The following PDE10A variants were observed in gnomAD, a reference collection of about 807,000 sequenced individuals.
PDE10A encodes the protein phosphodiesterase 10A.
Under a neutral mutation model 97.7 loss-of-function variants are expected in PDE10A, and 39 were observed. The observed-to-expected ratio is 0.40, with a 90% confidence interval of 0.31 to 0.52. The LOEUF (loss-of-function observed/expected upper bound fraction) is 0.52. Among genes scored for constraint, PDE10A ranks in the 20% least tolerant of loss-of-function variants. PDE10A has a pLI of 0.56. For missense variants in PDE10A, 731 were observed against 1,047.8 expected, an observed-to-expected ratio of 0.70 and a Z score of 4.17; for synonymous variants, 371 against 376.8, an observed-to-expected ratio of 0.98 and a Z score of 0.18.
intron 3 of PDE10A, among the ~76,000 whole-genome samples, chr6:165,470,701 G>A (rs542506957): frequency 3.3e-5 from 5 of 152,274 alleles, no homozygotes; most frequent in African/African-American, 1.2e-4. Flanking sequence ...GAAATGGAAA[G>A]TGAGTAAATG....
intron 1 of PDE10A, among the ~76,000 whole-genome samples, chr6:165,796,112 T>TC (rs1473877312): frequency 1.8e-4 from 26 of 147,320 alleles, no homozygotes; most frequent in African/African-American, 6.4e-4. Flanking sequence ...TTTTTTTTTT[T>TC]TGAGACGGAG....
At chr6:165,494,544 AT>A (rs1233669781) in intron 2 of PDE10A, among the ~76,000 whole-genome samples, 1 of 148,274 alleles carries the variant, frequency 6.7e-6, no homozygotes, top group Non-Finnish European at 1.5e-5. Context: ...ATATTTATTT[AT>A]TTATTTAATA....
At chr6:165,984,169 A>G (rs1230361051) in intron 1 of PDE10A, among the ~76,000 whole-genome samples, 1 of 152,246 alleles carries the variant, frequency 6.6e-6, no homozygotes, top group Non-Finnish European at 1.5e-5. Context: ...TATGCTAAAA[A>G]AAACTGTACA....
chr6:165,808,461 A>AG (rs951946735), intron 1 of PDE10A, among the ~76,000 whole-genome samples: 7 of 152,162 alleles, frequency 4.6e-5, no homozygotes, highest in African/African-American at 1.7e-4. Flanking sequence ...TTCTGCCCTA[A>AG]CTGGGCAGCT....
chr6:165,484,898 GCCAAC>G (rs1779812886), intron 2 of PDE10A, among the ~76,000 whole-genome samples: 1 of 152,118 alleles, frequency 6.6e-6, no homozygotes, highest in Non-Finnish European at 1.5e-5. Flanking sequence ...AAGCCCACAA[GCCAAC>G]CCTAGCCAAG....
At chr6:165,830,687 C>T (rs1472426384) in intron 1 of PDE10A, among the ~76,000 whole-genome samples, 6 of 152,230 alleles carry the variant, frequency 3.9e-5, no homozygotes, top group Admixed American at 6.5e-5. Context: ...GGATTATGAA[C>T]GGGAGATGTT....
intron 1 of PDE10A, among the ~76,000 whole-genome samples, chr6:165,691,075 T>TTCTCTCTC (rs376093908): frequency 0.014 from 706 of 50,348 alleles, 67 homozygotes; most frequent in African/African-American, 0.04. Flanking sequence ...CTCTCTCTCT[T>TTCTCTCTC]TCTCTCTCTC....
Position 165,419,732 on chromosome 6 carries a change from G to C in PDE10A, c.1654-955C>G, listed in dbSNP as rs1788562445. On this transcript the variant is annotated intron_variant, in intron 10 of 21. Coordinates refer to ENST00000539869, the MANE Select transcript of PDE10A (RefSeq NM_001385079.1). The stretch of plus-strand genomic sequence containing the variant: ...AGTATTTACCTCTATTGAGAATTCT[G>C]GTAACTTCAACTATCCAGATCATAG... Among the ~76,000 whole-genome samples, 2 of 152,052 alleles carry C rather than the reference G, an allele frequency of 1.3e-5. 1 individual carries two copies. Among genetic ancestry groups the C allele is most frequent in the African/African-American group, 4.8e-5 (2 of 41,392 alleles).
chr6:165,788,333 C>T (rs762086111), intron 1 of PDE10A, among the ~76,000 whole-genome samples: 1 of 151,770 alleles, frequency 6.6e-6, no homozygotes, highest in Non-Finnish European at 1.5e-5. Context: ...CCCTGACCAA[C>T]ATGGAGAAAC....
intron 1 of PDE10A, among the ~76,000 whole-genome samples, chr6:165,804,031 C>T (rs1779049996): frequency 6.6e-6 from 1 of 152,168 alleles, no homozygotes; most frequent in Non-Finnish European, 1.5e-5. Context: ...CCGTTTTTGA[C>T]AGCACAAATT....
chr6:165,669,846 G>A (rs1482988350), intron 1 of PDE10A, among the ~76,000 whole-genome samples: 1 of 152,174 alleles, frequency 6.6e-6, no homozygotes, highest in Non-Finnish European at 1.5e-5. Flanking sequence ...TGAGCCCAGA[G>A]AACCTCAGGC....
At chr6:165,706,632 A>T (rs1010547741) in intron 1 of PDE10A, among the ~76,000 whole-genome samples, 2 of 152,218 alleles carry the variant, frequency 1.3e-5, no homozygotes, top group African/African-American at 4.8e-5. Flanking sequence ...TGACTAAATC[A>T]GCACATTTTG....
intron 1 of PDE10A, among the ~76,000 whole-genome samples, chr6:165,743,054 A>G (rs1792765336): frequency 6.6e-6 from 1 of 151,942 alleles, no homozygotes; most frequent in Non-Finnish European, 1.5e-5. Context: ...GGCCTGTAGC[A>G]CCCCTACCCT....
At chr6:165,432,944 A>C (rs544763842) in intron 7 of PDE10A, 30 bp downstream of exon 7, 2 of 1,594,916 alleles carry the variant, frequency 1.3e-6, no homozygotes, top group South Asian at 2.2e-5. Context: ...ACAACTAAAA[A>C]TTCTAACATG....
At chr6:165,537,002 T>C (rs948773203) in intron 2 of PDE10A, among the ~76,000 whole-genome samples, 4 of 152,078 alleles carry the variant, frequency 2.6e-5, no homozygotes, top group African/African-American at 9.7e-5. Context: ...CCCATGTTTA[T>C]TGCAGCACTA....
intron 20 of PDE10A, among the ~76,000 whole-genome samples, chr6:165,336,680 C>T (rs1034543440): frequency 8.6e-5 from 12 of 140,294 alleles, no homozygotes; most frequent in Non-Finnish European, 1.4e-4. Flanking sequence ...ACCCGGGAAG[C>T]GGAGCTTGCA....
intron 3 of PDE10A, among the ~76,000 whole-genome samples, chr6:165,470,624 A>G (rs2128270823): frequency 6.6e-6 from 1 of 152,274 alleles, no homozygotes; most frequent in East Asian, 1.9e-4. Flanking sequence ...CCTCTGTTGT[A>G]TTTGGTTACG....
At chr6:165,619,334 GTAGTGTAGTC>G (rs1787928192) in intron 1 of PDE10A, among the ~76,000 whole-genome samples, 1 of 131,760 alleles carries the variant, frequency 7.6e-6, no homozygotes, top group Non-Finnish European at 1.5e-5. Context: ...GTAGTGTAGT[GTAGTGTAGTC>G]TAGTGTAGTG....
intron 2 of PDE10A, among the ~76,000 whole-genome samples, chr6:165,537,872 G>C (rs1241084511): frequency 6.6e-6 from 1 of 151,726 alleles, no homozygotes; most frequent in Admixed American, 6.6e-5. Context: ...TCCAAAATTA[G>C]GTTTCATGCA....
Sources: allele counts gnomAD v4.1 joint callset (sites outside exome capture counted in the v4.1 genomes callset), GRCh38; gene constraint gnomAD v4.1.1; transcripts MANE v1.5; gene names NCBI Gene and HGNC (gene_info 2026-07-23, HGNC 2026-07-21).